The following LMX1A variants were observed in gnomAD, a reference collection of about 807,000 sequenced individuals.
The protein encoded by LMX1A is LIM homeobox transcription factor 1-alpha.
A neutral mutation model predicts 49.1 loss-of-function variants in LMX1A; 15 were observed. The observed-to-expected ratio is 0.31, with a 90% CI of 0.20 to 0.47. The LOEUF is 0.47. LMX1A is among the 20% of genes least tolerant of loss of function. LMX1A has a pLI of 1.00. For synonymous variants in LMX1A, 167 were observed against 185.7 expected, an observed-to-expected ratio of 0.90 and a Z score of 0.82; for missense variants, 372 against 475.8, an observed-to-expected ratio of 0.78 and a Z score of 2.03.
chr1:165,237,248 G>T (rs1485446739), intron 4 of LMX1A, among the ~76,000 whole-genome samples: 3 of 152,130 alleles, frequency 2.0e-5, no homozygotes, highest in African/African-American at 7.2e-5. Flanking sequence ...ATTTGAGATG[G>T]AGTCTCGCTC....
intron 3 of LMX1A, among the ~76,000 whole-genome samples, chr1:165,343,048 C>A (rs1656122764): frequency 6.6e-6 from 1 of 152,028 alleles, no homozygotes; most frequent in Non-Finnish European, 1.5e-5. Context: ...TTGTGAGGAT[C>A]AATAGAGATA....
chr1:165,253,991 T>G (rs1653145493), intron 3 of LMX1A, among the ~76,000 whole-genome samples: 1 of 152,160 alleles, frequency 6.6e-6, no homozygotes, highest in Non-Finnish European at 1.5e-5. Flanking sequence ...AGTCCCCGGT[T>G]GCTGTTTGCC....
At chr1:165,338,984 C>G (rs1015767654) in intron 3 of LMX1A, among the ~76,000 whole-genome samples, 1 of 152,212 alleles carries the variant, frequency 6.6e-6, no homozygotes, top group Non-Finnish European at 1.5e-5. Flanking sequence ...CACCATTGCA[C>G]ACATCAGGCT....
chr1:165,261,643 C>T (rs1306188635), intron 3 of LMX1A, among the ~76,000 whole-genome samples: 1 of 152,156 alleles, frequency 6.6e-6, no homozygotes, highest in African/African-American at 2.4e-5. Flanking sequence ...GCTCAGGTGT[C>T]ACTGACAGAG....
At chr1:165,299,770 T>TA (rs35840243) in intron 3 of LMX1A, among the ~76,000 whole-genome samples, 35,258 of 131,866 alleles carry the variant, frequency 0.27, 4,851 homozygotes, top group Non-Finnish European at 0.29. Flanking sequence ...AGAAACACAC[T>TA]AAAAAAAAAA....
intron 3 of LMX1A, among the ~76,000 whole-genome samples, chr1:165,266,595 C>CTTTTT (rs61551654): frequency 0.019 from 1,535 of 79,086 alleles, 14 homozygotes; most frequent in East Asian, 0.027. Flanking sequence ...TTCTTTCTTT[C>CTTTTT]TTTTTTTTTT....
At chr1:165,204,254 G>A (rs1351231485) in intron 8 of LMX1A, among the ~76,000 whole-genome samples, 1 of 152,202 alleles carries the variant, frequency 6.6e-6, no homozygotes, top group Non-Finnish European at 1.5e-5. Context: ...TAAATTGAGT[G>A]CAGCATAAGC....
intron 3 of LMX1A, among the ~76,000 whole-genome samples, chr1:165,273,377 G>A: frequency 6.6e-6 from 1 of 152,098 alleles, no homozygotes; most frequent in Non-Finnish European, 1.5e-5. Flanking sequence ...CTAACAGCAA[G>A]TCCCAAGACA....
chr1:165,266,522 T>C (rs372124722), intron 3 of LMX1A, among the ~76,000 whole-genome samples: 4 of 151,060 alleles, frequency 2.6e-5, no homozygotes, highest in African/African-American at 9.7e-5. Context: ...ACTTTTCCTC[T>C]GGAAACCAGG....
At chr1:165,288,536 C>G (rs1036390139) in intron 3 of LMX1A, among the ~76,000 whole-genome samples, 1 of 152,092 alleles carries the variant, frequency 6.6e-6, no homozygotes, top group Admixed American at 6.5e-5. Context: ...CCTCCTGGGC[C>G]GGTCCTGCAA....
rs753530677 is a variant in LMX1A at position 165,249,489 on chromosome 1, C to T, written c.415G>A (p.Glu139Lys). The T allele has an allele frequency of 1.2e-5, 20 of 1,614,236 alleles. No individual in the cohort carries two copies. The highest frequency in any genetic ancestry group is 1.7e-5 in the Non-Finnish European group (20 of 1,180,056). Residue 139 changes from glutamate to lysine, a missense_variant, in exon 4 of 9, where the codon GAG (glutamate) becomes AAG (lysine). Coordinates refer to ENST00000342310, the MANE Select transcript of LMX1A (RefSeq NM_177398.4). ...TCCCCTTTGCAGAGCAGCTGCCCCT[C>T]CTTCAGGACAAACTCATCACCCTTC... is the stretch of plus-strand genomic sequence containing the variant. ...LQKGDEFVLK[E>K]GQLLCKGDYE...
intron 3 of LMX1A, among the ~76,000 whole-genome samples, chr1:165,341,148 C>T (rs1012683136): frequency 6.6e-6 from 1 of 152,130 alleles, no homozygotes; most frequent in Non-Finnish European, 1.5e-5. Context: ...CAGTATGAAA[C>T]TGAATGTTCT....
intron 6 of LMX1A, among the ~76,000 whole-genome samples, chr1:165,209,109 T>G (rs1310882885): frequency 6.6e-6 from 1 of 152,198 alleles, no homozygotes. Context: ...TTTCAGAGCT[T>G]TAAATGTGTC....
Position 165,204,022 on chromosome 1 carries a change from T to C in LMX1A, c.1007A>G (p.His336Arg), listed in dbSNP as rs1650962304. 7 of 1,613,994 alleles carry C rather than the reference T, an allele frequency of 4.3e-6. No individual in the cohort carries two copies. Among genetic ancestry groups the C allele is most frequent in the Non-Finnish European group, 5.9e-6 (7 of 1,179,996 alleles). ...GGAGGTGTCGTCGCTATCCAGGTCA[T>C]GGAAAAGGGGCTCGGCACCTGAAAT... ...MHPYGAEPLFHDLDSDDTSLS... is the reference protein window; with the variant it reads ...MHPYGAEPLFRDLDSDDTSLS... The change falls in exon 9 of 9, where the codon CAT becomes CGT. Residue 336 changes from histidine to arginine, a missense_variant. His to Arg is a conservative substitution (Grantham distance 29). Around this residue, in one of 3 missense-constraint regions of LMX1A, gnomAD observed 127 missense variants for 138.0 expected, o/e 0.92. Transcript: ENST00000342310.
chr1:165,277,253 G>T (rs1369777553), intron 3 of LMX1A, among the ~76,000 whole-genome samples: 1 of 152,224 alleles, frequency 6.6e-6, no homozygotes, highest in African/African-American at 2.4e-5. Flanking sequence ...ACTGGTCATA[G>T]AAGGTGGGGG....
chr1:165,325,747 G>A (rs949601075), intron 3 of LMX1A, among the ~76,000 whole-genome samples: 3 of 152,066 alleles, frequency 2.0e-5, no homozygotes, highest in Non-Finnish European at 4.4e-5. Context: ...CAAGCCTCAG[G>A]CATATGCTGC....
intron 4 of LMX1A, among the ~76,000 whole-genome samples, chr1:165,225,932 G>C (rs922825976): frequency 6.6e-6 from 1 of 152,224 alleles, no homozygotes; most frequent in East Asian, 1.9e-4. Context: ...CTTACTTTCA[G>C]TCAACAGAAT....
intron 4 of LMX1A, among the ~76,000 whole-genome samples, chr1:165,246,467 A>G (rs1450273417): frequency 6.6e-6 from 1 of 152,060 alleles, no homozygotes; most frequent in Admixed American, 6.6e-5. Flanking sequence ...CTCCCCTCCC[A>G]CCTCATCAAT....
chr1:165,327,405 A>T (rs1425458037), intron 3 of LMX1A, among the ~76,000 whole-genome samples: 1 of 152,228 alleles, frequency 6.6e-6, no homozygotes, highest in Admixed American at 6.5e-5. Context: ...GGTCACCCTG[A>T]TCCCAACAAA....
Sources: allele counts gnomAD v4.1 joint callset (sites outside exome capture counted in the v4.1 genomes callset), GRCh38; gene constraint gnomAD v4.1.1; regional missense constraint gnomAD v4.1.1; transcripts MANE v1.5; gene names NCBI Gene and HGNC (gene_info 2026-07-23, HGNC 2026-07-21).